The following ANO10 variants were observed in gnomAD, a reference collection of about 807,000 sequenced individuals.
The protein encoded by ANO10 is anoctamin-10.
ANO10 carries 77 observed loss-of-function variants against 74.7 expected under a neutral mutation model. That is an observed-to-expected ratio of 1.03 (90% CI 0.86 to 1.25). The LOEUF is 1.25. ANO10 is among the 50% of genes most tolerant of loss of function. The pLI, the probability that ANO10 is intolerant of heterozygous loss-of-function variation, is 0.00. For missense variants in ANO10, 721 were observed against 778.1 expected, an observed-to-expected ratio of 0.93 and a Z score of 0.87; for synonymous variants, 279 against 284.9, an observed-to-expected ratio of 0.98 and a Z score of 0.21.
intron 1 of ANO10, among the ~76,000 whole-genome samples, chr3:43,607,348 AAAAC>A (rs757457777): frequency 6.6e-5 from 10 of 151,470 alleles, no homozygotes; most frequent in Non-Finnish European, 8.8e-5. Flanking sequence ...AAAAAAAAAC[AAAAC>A]AAACAAACAA....
At chr3:43,682,176 C>A (rs1194831961) in intron 1 of ANO10, among the ~76,000 whole-genome samples, 1 of 152,060 alleles carries the variant, frequency 6.6e-6, no homozygotes, top group Non-Finnish European at 1.5e-5. Flanking sequence ...AATTGATAGA[C>A]CGCTAGCAAG....
intron 12 of ANO10, among the ~76,000 whole-genome samples, chr3:43,396,600 G>A (rs1441944840): frequency 6.6e-6 from 1 of 151,892 alleles, no homozygotes; most frequent in Non-Finnish European, 1.5e-5. Context: ...GCCTCCCAAA[G>A]TGCTGGGATT....
At chr3:43,686,658 G>A (rs564673708) in intron 1 of ANO10, among the ~76,000 whole-genome samples, 147 of 152,268 alleles carry the variant, frequency 9.7e-4, no homozygotes, top group African/African-American at 3.2e-3. Context: ...TACTAGCCAC[G>A]TATGGCTTCT....
At chr3:43,573,077 C>G (rs965632748) in intron 7 of ANO10, among the ~76,000 whole-genome samples, 1 of 151,622 alleles carries the variant, frequency 6.6e-6, no homozygotes, top group South Asian at 2.1e-4. Flanking sequence ...TAACTGAATT[C>G]TTTAAGACAA....
intron 1 of ANO10, among the ~76,000 whole-genome samples, chr3:43,649,086 G>A (rs1295272723): frequency 6.6e-6 from 1 of 152,086 alleles, no homozygotes; most frequent in Non-Finnish European, 1.5e-5. Flanking sequence ...AACTGTCTGG[G>A]AATGCAACCC....
At chr3:43,479,275 G>A (rs1035485720) in intron 11 of ANO10, among the ~76,000 whole-genome samples, 1 of 152,128 alleles carries the variant, frequency 6.6e-6, no homozygotes, top group African/African-American at 2.4e-5. Context: ...TGTTATCCCA[G>A]ATGTTCTCTG....
intron 10 of ANO10, among the ~76,000 whole-genome samples, chr3:43,550,800 T>C (rs555619897): frequency 1.3e-5 from 2 of 152,306 alleles, no homozygotes; most frequent in Admixed American, 1.3e-4. Context: ...AAATTCTAAG[T>C]ACATAGTGAA....
At chr3:43,618,448 G>A (rs2083229405) in intron 1 of ANO10, among the ~76,000 whole-genome samples, 1 of 152,176 alleles carries the variant, frequency 6.6e-6, no homozygotes, top group African/African-American at 2.4e-5. Context: ...CCAAGAGTTT[G>A]CTTGTTTTGG....
At chr3:43,669,874 C>CGCCACCACGCCTGGCTAATTTTTGTCA (rs2084036194) in intron 1 of ANO10, among the ~76,000 whole-genome samples, 2 of 151,930 alleles carry the variant, frequency 1.3e-5, no homozygotes, top group Non-Finnish European at 2.9e-5. Context: ...TACAGGTGCC[C>CGCCACCACGCCTGGCTAATTTTTGTCA]GCCACCACGC....
chr3:43,538,716 G>A (rs1224700477), intron 11 of ANO10, among the ~76,000 whole-genome samples: 1 of 152,152 alleles, frequency 6.6e-6, no homozygotes, highest in Non-Finnish European at 1.5e-5. Context: ...AGAGACAGGA[G>A]AGGCTAGATG....
At chr3:43,565,314 G>A (rs1156308726) in intron 8 of ANO10, among the ~76,000 whole-genome samples, 7 of 152,058 alleles carry the variant, frequency 4.6e-5, no homozygotes, top group Non-Finnish European at 7.4e-5. Context: ...GAGACCTAAG[G>A]TTACACCAAT....
At chr3:43,684,813 C>G (rs943664069) in intron 1 of ANO10, among the ~76,000 whole-genome samples, 2 of 152,124 alleles carry the variant, frequency 1.3e-5, no homozygotes, top group African/African-American at 4.8e-5. Flanking sequence ...CCATCATTCT[C>G]AGCAAACTAT....
chr3:43,593,081 A>G (rs2081882104), intron 4 of ANO10, among the ~76,000 whole-genome samples: 1 of 152,220 alleles, frequency 6.6e-6, no homozygotes, highest in Non-Finnish European at 1.5e-5. Flanking sequence ...AAAGAAAAGA[A>G]CAAATCCTCC....
At chr3:43,612,182 A>ATT (rs1442864631) in intron 1 of ANO10, among the ~76,000 whole-genome samples, 1 of 116,504 alleles carries the variant, frequency 8.6e-6, no homozygotes, top group Admixed American at 9.1e-5. Context: ...ATATATATAT[A>ATT]TATGCCCAAG....
exon 1 of ANO10, chr3:43,691,554 C>T (rs1340354857): frequency 1.3e-5 from 2 of 152,506 alleles, no homozygotes; most frequent in African/African-American, 2.4e-5. Context: ...GACGATCCTT[C>T]CCGTAGCCGT....
At chr3:43,520,777 G>A (rs984564950) in intron 11 of ANO10, among the ~76,000 whole-genome samples, 4 of 152,100 alleles carry the variant, frequency 2.6e-5, no homozygotes, top group African/African-American at 7.2e-5. Context: ...ATTTCCATAT[G>A]AATTATAGGA....
intron 12 of ANO10, among the ~76,000 whole-genome samples, chr3:43,425,510 C>T (rs968924287): frequency 1.3e-5 from 2 of 152,224 alleles, no homozygotes; most frequent in Non-Finnish European, 2.9e-5. Flanking sequence ...GACCCCCTCC[C>T]CTGGGCCAAA....
intron 12 of ANO10, among the ~76,000 whole-genome samples, chr3:43,408,031 A>G (rs1351016766): frequency 8.5e-5 from 13 of 152,142 alleles, no homozygotes; most frequent in African/African-American, 2.7e-4. Context: ...GGAAAACTGG[A>G]GTGGAGAGAA....
chr3:43,466,392 C>CAAAA (rs751455876), intron 11 of ANO10, among the ~76,000 whole-genome samples: 92,463 of 124,576 alleles, frequency 0.74, 36,572 homozygotes, highest in East Asian at 0.89. Context: ...AAAAAACAAA[C>CAAAA]AAAAAAACCA....
Sources: gnomAD v4.1 joint callset for allele counts (sites outside exome capture counted in the v4.1 genomes callset) on GRCh38, gnomAD v4.1.1 for gene constraint, MANE v1.5 for transcripts, NCBI Gene and HGNC (gene_info 2026-07-23, HGNC 2026-07-21) for gene names.